SLC38A3: variants seen among roughly 807,000 people sequenced by gnomAD.
SLC38A3 encodes the protein solute carrier family 38 member 3, also known as sodium-coupled neutral amino acid transporter 3.
SLC38A3 carries 17 observed loss-of-function variants against 59.5 expected under a neutral mutation model. That is an observed-to-expected ratio of 0.29 (90% CI 0.20 to 0.43). SLC38A3 has a LOEUF of 0.43. Among genes scored for constraint, SLC38A3 ranks in the 20% least tolerant of loss-of-function variants. SLC38A3 has a pLI of 1.00. For synonymous variants in SLC38A3, 238 were observed against 260.3 expected (o/e 0.91, Z 0.82); for missense variants, 454 against 653.9 (o/e 0.69, Z 3.33).
chr3:50,206,368 C>T (rs35219849), intron 1 of SLC38A3, among the ~76,000 whole-genome samples: 41,385 of 152,240 alleles, frequency 0.27, 6,098 homozygotes, highest in Middle Eastern at 0.38. Flanking sequence ...CCTGTCCTTT[C>T]TTCCATGACC....
rs368790501 is a variant in SLC38A3 at position 50,217,666 on chromosome 3, C to A, written c.691-10C>A. 2 of 1,613,694 alleles carry A rather than the reference C, an allele frequency of 1.2e-6. No individual in the cohort carries two copies. Among genetic ancestry groups the A allele is most frequent in the South Asian group, 1.1e-5 (1 of 91,006 alleles). On this transcript the variant is annotated splice_polypyrimidine_tract_variant and intron_variant, in intron 9 of 15. Coordinates refer to ENST00000614032, the MANE Select transcript of SLC38A3 (RefSeq NM_006841.6). The surrounding 1 kb of genome is among the most constrained non-coding windows in gnomAD (Gnocchi z 4.9). ...GGAGTCTCTGACACCCTCATCCCTCCCCACTCCAGGTCATCTACAAAAAGT... is the reference window on the plus strand; with the variant it reads ...GGAGTCTCTGACACCCTCATCCCTCACCACTCCAGGTCATCTACAAAAAGT...
rs1699640025 is a variant in SLC38A3 at position 50,205,897 on chromosome 3, C to T, written c.-52+549C>T. ...CTTGAGGGCAGATCGGGCCGGGCCG[C>T]CTGAGGGGCCGCGGGGTACATGCTG... On this transcript the variant is annotated intron_variant, in intron 1 of 15. Coordinates refer to ENST00000614032, the MANE Select transcript of SLC38A3 (RefSeq NM_006841.6). 3.3e-5 allele frequency among the ~76,000 whole-genome samples: 5 copies of T among 152,354 alleles called. No individual in the cohort carries two copies. In the South Asian group the frequency reaches 1.0e-3, roughly 32 times the overall value.
Position 50,218,884 on chromosome 3 carries a change from G to A in SLC38A3, c.1242G>A (p.Leu414=). The change falls in exon 14 of 16, where the codon CTG becomes CTA. Residue 414 remains leucine (L), a synonymous_variant. Transcript: ENST00000614032. The surrounding 1 kb of genome is among the most constrained non-coding windows in gnomAD (Gnocchi z 5.8). ...WLRHVLIAVG[L]LTCINLLVIF... ...GGCATGTGCTTATTGCCGTTGGCCT[G>A]CTCACTTGTATCAACCTGCTGGTCA... The A allele has an allele frequency of 1.2e-6, 2 of 1,613,672 alleles. No homozygotes were observed.
At position 50,214,718 on chromosome 3, in the gene SLC38A3, C is replaced by T. The variant is rs1412739089; in HGVS notation, c.249C>T (p.Gly83=). 1 of 1,613,658 alleles carries T rather than the reference C, an allele frequency of 6.2e-7. No homozygotes were observed. The change falls in exon 4 of 16, where the codon GGC becomes GGT. Residue 83 remains glycine, a synonymous_variant. Coordinates refer to ENST00000614032, the MANE Select transcript of SLC38A3 (RefSeq NM_006841.6). The surrounding 1 kb of genome is among the most constrained non-coding windows in gnomAD (Gnocchi z 6.0). ...TCAGCAATGCCATCATGGGCAGCGG[C>T]ATCCTGGGACTCGCCTATGCCATGG... ...FNLSNAIMGS[G]ILGLAYAMAN... is the part of the protein sequence containing the mutation.
Position 50,220,452 on chromosome 3 carries a change from T to G in SLC38A3, c.*275T>G. On this transcript the variant is annotated 3_prime_UTR_variant, in exon 16 of 16. Transcript: ENST00000614032. ...CCTTAGATCCCGCCCAAGCCCCTCA[T>G]TCCCTCCTTGCACAGATGCATACAC... 2.5e-5 allele frequency: 11 copies of G among 448,648 alleles called. No individual in the cohort carries two copies. The highest frequency in any genetic ancestry group is 4.4e-5 in the East Asian group (1 of 22,718). 27.8% of individuals were successfully genotyped at this position (448,648 alleles called of 1,614,324 possible).
intron 1 of SLC38A3, among the ~76,000 whole-genome samples, chr3:50,209,653 A>G (rs1699696763): frequency 6.6e-6 from 1 of 151,818 alleles, no homozygotes; most frequent in Admixed American, 6.6e-5. Flanking sequence ...CGTCTCAAAA[A>G]AAAAAAACAA....
At position 50,215,121 on chromosome 3, in the gene SLC38A3, C is replaced by T; in HGVS notation, c.300-265C>T. 1.7e-6 allele frequency: 1 copy of T among 572,094 alleles called. No individual in the cohort carries two copies. The highest frequency in any genetic ancestry group is 2.9e-5 in the East Asian group (1 of 33,928). 35.4% of individuals were successfully genotyped at this position (572,094 alleles called of 1,614,324 possible). A position where few individuals can be genotyped will look rare whatever the true frequency, so the allele number is the denominator to read the frequency against. On this transcript the variant is annotated intron_variant, in intron 4 of 15. Coordinates refer to ENST00000614032, the MANE Select transcript of SLC38A3 (RefSeq NM_006841.6). This position sits in a 1 kb window ranked among gnomAD's most constrained non-coding sequence, Gnocchi z 7.1. The stretch of plus-strand genomic sequence containing the variant: ...ATGGAAAACATGTTTGTTTCAAGGA[C>T]TCAAGAGGAGGACGTGCTCAGAGGG...
intron 1 of SLC38A3, among the ~76,000 whole-genome samples, chr3:50,209,716 G>C (rs1415680751): frequency 6.6e-6 from 1 of 151,874 alleles, no homozygotes; most frequent in African/African-American, 2.4e-5. Context: ...TCCGGCCCCA[G>C]CTGGGTCTCT....
Position 50,214,620 on chromosome 3 carries a change from C to T in SLC38A3, c.184-33C>T, listed in dbSNP as rs1246520137. The T allele has an allele frequency of 6.8e-6, 10 of 1,460,968 alleles. No homozygotes were observed. Among genetic ancestry groups the T allele is most frequent in the Non-Finnish European group, 9.5e-6 (10 of 1,050,346 alleles). The allele number at this position is 1,460,968 out of a possible 1,614,324, so 90.5% of individuals were successfully genotyped here. A position where few individuals can be genotyped will look rare whatever the true frequency, so the allele number is the denominator to read the frequency against. On this transcript the variant is annotated intron_variant, in intron 3 of 15. Coordinates refer to ENST00000614032, the MANE Select transcript of SLC38A3 (RefSeq NM_006841.6). The surrounding 1 kb of genome is among the most constrained non-coding windows in gnomAD (Gnocchi z 6.0). ...ATGCCCCTGTCCCTTGCTGACTCCT[C>T]CCACCCTCCCCGTCCCATTCTGGTG...
chr3:50,212,764 C>T (rs754575946), intron 1 of SLC38A3, among the ~76,000 whole-genome samples: 4 of 152,298 alleles, frequency 2.6e-5, no homozygotes, highest in Middle Eastern at 3.4e-3. Flanking sequence ...TCTTGTTCAC[C>T]CCTAGCCCTG....
chr3:50,215,660 G>T lies in SLC38A3; in HGVS notation c.466+24G>T. ...AGGTAAGAGCAGTGGGCAGGGGCAGGCAGTAGGGAGGTGGACAGCCCTGAA... is the reference window on the plus strand; with the variant it reads ...AGGTAAGAGCAGTGGGCAGGGGCAGTCAGTAGGGAGGTGGACAGCCCTGAA... On this transcript the variant is annotated intron_variant, in intron 6 of 15. Transcript: ENST00000614032. The surrounding 1 kb of genome is among the most constrained non-coding windows in gnomAD (Gnocchi z 7.1). 6.2e-7 allele frequency: 1 copy of T among 1,612,756 alleles called. No homozygotes were observed. Among genetic ancestry groups the T allele is most frequent in the South Asian group, 1.1e-5 (1 of 91,032 alleles).
Position 50,214,558 on chromosome 3 carries a change from C to G in SLC38A3, c.183+75C>G. The G allele has an allele frequency of 2.0e-6, 3 of 1,474,134 alleles. No individual in the cohort carries two copies. Among genetic ancestry groups the G allele is most frequent in the Non-Finnish European group, 2.8e-6 (3 of 1,074,536 alleles). 91.3% of individuals were successfully genotyped at this position (1,474,134 alleles called of 1,614,324 possible). A position where few individuals can be genotyped will look rare whatever the true frequency, so the allele number is the denominator to read the frequency against. On this transcript the variant is annotated intron_variant, in intron 3 of 15. Coordinates refer to ENST00000614032, the MANE Select transcript of SLC38A3 (RefSeq NM_006841.6). The surrounding 1 kb of genome is among the most constrained non-coding windows in gnomAD (Gnocchi z 6.0). ...GCAGTAATGAGGTGGTCTCTGGCAG[C>G]AGTGGGAGGCTGAGGGACAGTCAGG...
chr3:50,218,281 A>G lies in SLC38A3; in HGVS notation c.947A>G (p.Lys316Arg), dbSNP rs780318394. The change falls in exon 12 of 16, where the codon AAG becomes AGG. Residue 316 changes from lysine to arginine, a missense_variant. Lys to Arg is a conservative substitution (Grantham distance 26). This residue lies in a region of SLC38A3 where 390 missense variants were observed against 557.9 expected (regional missense o/e 0.70). Coordinates refer to ENST00000614032, the MANE Select transcript of SLC38A3 (RefSeq NM_006841.6). The surrounding 1 kb of genome is among the most constrained non-coding windows in gnomAD (Gnocchi z 5.8). ...CCACTTCCCCACAGCCCCTCCAAGA[A>G]GAAGATGCAGCACATCTCCAACCTG... ...IYTELKDPSKKKMQHISNLSI... is the reference protein window; with the variant it reads ...IYTELKDPSKRKMQHISNLSI... 9.3e-6 allele frequency: 15 copies of G among 1,610,724 alleles called. No individual in the cohort carries two copies. The South Asian group carries it at 1.6e-4, about 18-fold the overall frequency.
In SLC38A3 at chr3:50,214,731, G is replaced by A. The variant is rs750366583; in HGVS notation, c.262G>A (p.Ala88Thr). ...CATGGGCAGCGGCATCCTGGGACTC[G>A]CCTATGCCATGGCCAATACGGGCAT... The part of the protein sequence containing the change: ...AIMGSGILGL[A>T]YAMANTGIIL... The change falls in exon 4 of 16, where the codon GCC becomes ACC. Residue 88 changes from alanine (A) to threonine (T), a missense_variant. Ala to Thr is a moderately conservative substitution (Grantham distance 58). Coordinates refer to ENST00000614032, the MANE Select transcript of SLC38A3 (RefSeq NM_006841.6). This position sits in a 1 kb window ranked among gnomAD's most constrained non-coding sequence, Gnocchi z 6.0. 11 of 1,613,106 alleles carry A rather than the reference G, an allele frequency of 6.8e-6. No homozygotes were observed. The Admixed American group carries it at 1.3e-4, about 20-fold the overall frequency.
Position 50,218,229 on chromosome 3 carries a change from C to T in SLC38A3, c.936-41C>T, listed in dbSNP as rs780411048. ...GGCACATGGGGGTCTCCCAATGTTA[C>T]CCAGCTTGTCACCAACACCCACCCC... On this transcript the variant is annotated intron_variant, in intron 11 of 15. Coordinates refer to ENST00000614032, the MANE Select transcript of SLC38A3 (RefSeq NM_006841.6). This position sits in a 1 kb window ranked among gnomAD's most constrained non-coding sequence, Gnocchi z 5.8. 2 of 1,402,146 alleles carry T rather than the reference C, an allele frequency of 1.4e-6. No homozygotes were observed. Among genetic ancestry groups the T allele is most frequent in the Non-Finnish European group, 2.0e-6 (2 of 986,890 alleles). 86.9% of individuals were successfully genotyped at this position (1,402,146 alleles called of 1,614,324 possible). A position where few individuals can be genotyped will look rare whatever the true frequency, so the allele number is the denominator to read the frequency against.
rs545279416 is a variant in SLC38A3, at chr3:50,211,636, T to C, written c.-51-2513T>C. 1.3e-3 allele frequency among the ~76,000 whole-genome samples: 174 copies of C among 137,056 alleles called. 1 individual carries two copies. The highest frequency in any genetic ancestry group is 2.1e-3 in the Admixed American group (25 of 11,758). 89.9% of individuals were successfully genotyped at this position (137,056 alleles called of 152,430 possible). A position where few individuals can be genotyped will look rare whatever the true frequency, so the allele number is the denominator to read the frequency against. On this transcript the variant is annotated intron_variant, in intron 1 of 15. Transcript: ENST00000614032. ...GGAGTTTGGCTCTTGTTGCCCAGGC[T>C]GGAGTGCAATGGCGCAATCTCAGCT...
Position 50,220,596 on chromosome 3 carries a change from A to G in SLC38A3, c.*419A>G. The G allele has an allele frequency of 4.7e-6, 1 of 212,078 alleles. No homozygotes were observed. The highest frequency in any genetic ancestry group is 9.6e-6 in the Non-Finnish European group (1 of 104,302). The allele number at this position is 212,078 out of a possible 1,614,324, so 13.1% of individuals were successfully genotyped here. ...GCCACGGTCTGCGCCCTGGGGCCTCATCTCCCCCAGCCCACTTGTTTTCCC... is the reference window on the plus strand; with the variant it reads ...GCCACGGTCTGCGCCCTGGGGCCTCGTCTCCCCCAGCCCACTTGTTTTCCC... On this transcript the variant is annotated 3_prime_UTR_variant, in exon 16 of 16. Coordinates refer to ENST00000614032, the MANE Select transcript of SLC38A3 (RefSeq NM_006841.6).
intron 1 of SLC38A3, among the ~76,000 whole-genome samples, chr3:50,212,827 C>A (rs755808929): frequency 2.0e-5 from 3 of 152,152 alleles, no homozygotes; most frequent in Non-Finnish European, 4.4e-5. Flanking sequence ...GACCTGAGAC[C>A]ATCAGGGGCC....
chr3:50,219,377 G>C (rs961086091), intron 14 of SLC38A3, among the ~76,000 whole-genome samples: 1 of 152,212 alleles, frequency 6.6e-6, no homozygotes, highest in Non-Finnish European at 1.5e-5. Context: ...TCAGCTGGTA[G>C]AGCAGACAAT....
Sources: gnomAD v4.1 joint callset for allele counts (sites outside exome capture counted in the v4.1 genomes callset) on GRCh38, gnomAD v4.1.1 for gene constraint, gnomAD v4.1.1 regional missense constraint, Gnocchi (gnomAD v3.1) non-coding constraint, MANE v1.5 for transcripts, NCBI Gene and HGNC (gene_info 2026-07-23, HGNC 2026-07-21) for gene names.